The following TGFBR3 variants were observed in gnomAD, a reference collection of about 807,000 sequenced individuals.
The protein encoded by TGFBR3 is transforming growth factor beta receptor 3, also known as transforming growth factor beta receptor type 3.
In TGFBR3, 46 loss-of-function variants were observed where a neutral mutation model predicts 87.9. That is an observed-to-expected ratio of 0.52 (90% CI 0.41 to 0.67). TGFBR3 has a LOEUF of 0.67. Ranked by LOEUF, TGFBR3 falls within the 30% of genes least tolerant of loss-of-function variation. The pLI, the probability that TGFBR3 is intolerant of heterozygous loss-of-function variation, is 0.00. For synonymous variants in TGFBR3, 381 were observed against 391.6 expected (o/e 0.97, Z 0.32); for missense variants, 866 against 1,041.9 (o/e 0.83, Z 2.32).
intron 1 of TGFBR3, among the ~76,000 whole-genome samples, chr1:91,875,111 C>T (rs1678730508): frequency 6.6e-6 from 1 of 152,128 alleles, no homozygotes; most frequent in African/African-American, 2.4e-5. Context: ...AAACCAGGCC[C>T]ATGCTACACA....
At chr1:91,720,378 A>G (rs1315342469) in intron 8 of TGFBR3, 148 bp from the exon 9 acceptor site, 2 of 824,938 alleles carry the variant, frequency 2.4e-6, no homozygotes, top group Non-Finnish European at 4.0e-6. Flanking sequence ...TTAGAAGTCT[A>G]GAAGCCTGAA....
intron 4 of TGFBR3, among the ~76,000 whole-genome samples, chr1:91,737,372 T>C (rs931919616): frequency 2.0e-5 from 3 of 152,214 alleles, no homozygotes; most frequent in African/African-American, 7.2e-5. Context: ...TCAGATGTTA[T>C]TTCCATCTGA....
chr1:91,705,577 C>G (rs1438689054), intron 14 of TGFBR3, among the ~76,000 whole-genome samples: 1 of 152,138 alleles, frequency 6.6e-6, no homozygotes, highest in Non-Finnish European at 1.5e-5. Context: ...AGGCAGAAAG[C>G]ACAGACTCCA....
chr1:91,683,133 T>C lies in TGFBR3; in HGVS notation c.*606A>G, dbSNP rs1348925385. 2.2e-6 allele frequency: 1 copy of C among 454,520 alleles called. No individual in the cohort carries two copies. The highest frequency in any genetic ancestry group is 1.6e-5 in the South Asian group (1 of 64,478). The allele number at this position is 454,520 out of a possible 1,614,324, so 28.2% of individuals were successfully genotyped here. On this transcript the variant is annotated 3_prime_UTR_variant, in exon 17 of 17. Transcript: ENST00000212355. Reference sequence around the variant, plus strand: ...CAAGAAAGGAATGTTGCCTTAACACTTGTCAGGGTGCAGTCCCTGAGGGCA... The same window carrying C: ...CAAGAAAGGAATGTTGCCTTAACACCTGTCAGGGTGCAGTCCCTGAGGGCA...
At chr1:91,889,738 G>A (rs577268744), upstream of TGFBR3, among the ~76,000 whole-genome samples, 13 of 151,942 alleles carry the variant, frequency 8.6e-5, no homozygotes, top group South Asian at 2.1e-3. Flanking sequence ...GCAGCAGCGC[G>A]ATCTCAGCTC....
At chr1:91,884,303 A>G (rs1342113206) in intron 1 of TGFBR3, among the ~76,000 whole-genome samples, 1 of 150,462 alleles carries the variant, frequency 6.6e-6, no homozygotes, top group Non-Finnish European at 1.5e-5. Context: ...CTGGGGACAG[A>G]GCGAGACTCT....
At chr1:91,796,431 A>G (rs760563923) in intron 3 of TGFBR3, among the ~76,000 whole-genome samples, 1 of 152,230 alleles carries the variant, frequency 6.6e-6, no homozygotes, top group Non-Finnish European at 1.5e-5. Context: ...AACTATGAGC[A>G]TATATCTTTA....
At chr1:91,711,532 T>C (rs551938799) in intron 13 of TGFBR3, among the ~76,000 whole-genome samples, 2 of 152,210 alleles carry the variant, frequency 1.3e-5, no homozygotes, top group African/African-American at 4.8e-5. Flanking sequence ...CTGTGTGAGA[T>C]AGCCACAGAA....
intron 1 of TGFBR3, among the ~76,000 whole-genome samples, chr1:91,870,927 T>C (rs1159930831): frequency 1.3e-5 from 2 of 152,088 alleles, no homozygotes; most frequent in Non-Finnish European, 2.9e-5. Context: ...TCCTAGCTAC[T>C]TGGAAGGCTG....
At chr1:91,827,052 C>G (rs901915) in intron 2 of TGFBR3, among the ~76,000 whole-genome samples, 1 of 152,074 alleles carries the variant, frequency 6.6e-6, no homozygotes, top group African/African-American at 2.4e-5. Context: ...TTGATTCAAG[C>G]AAAGACCACA....
chr1:91,801,642 G>T lies in TGFBR3; in HGVS notation c.62-4171C>A, dbSNP rs551574715. ...AAGCAACTATTGCAAAATGCTAATT[G>T]TGGAATCTAAATGTTCCCTGTACAA... On this transcript the variant is annotated intron_variant, in intron 2 of 16. Coordinates refer to ENST00000212355, the MANE Select transcript of TGFBR3 (RefSeq NM_003243.5). Among the ~76,000 whole-genome samples, 193 of 152,282 alleles carry T rather than the reference G, an allele frequency of 1.3e-3. No homozygotes were observed. The Middle Eastern group carries it at 0.017, about 13-fold the overall frequency.
rs760195053 is a variant in TGFBR3 at position 91,727,778 on chromosome 1, T to C, written c.766A>G (p.Ile256Val). The C allele has an allele frequency of 4.6e-5, 74 of 1,613,902 alleles. 1 individual carries two copies. In the Middle Eastern group the frequency reaches 4.9e-4, roughly 11 times the overall value. The change falls in exon 7 of 17, where the codon ATA becomes GTA. Residue 256 changes from isoleucine (I) to valine (V), a missense_variant. Physicochemically the swap from Ile to Val is conservative, Grantham distance 29. Transcript: ENST00000212355. The stretch of plus-strand genomic sequence containing the variant: ...TCAAGATCCTCTTGAGAAGGTCTTA[T>C]ATCAATTGTTATATCCACCTGGAAA... ...SAFQVDITID[I>V]RPSQEDLEVV...
chr1:91,882,225 C>G (rs1447564280), intron 1 of TGFBR3, among the ~76,000 whole-genome samples: 1 of 150,268 alleles, frequency 6.7e-6, no homozygotes, highest in Non-Finnish European at 1.5e-5. Flanking sequence ...AAACCTCCAC[C>G]TCCTGGGCTC....
intron 2 of TGFBR3, among the ~76,000 whole-genome samples, chr1:91,898,364 CAAAT>C (rs71586721): frequency 0.33 from 49,573 of 151,852 alleles, 9,318 homozygotes; most frequent in Admixed American, 0.43. Context: ...AAAAACAAAA[CAAAT>C]AAATAAAAAC....
Position 91,818,277 on chromosome 1 carries a change from CCT to C in TGFBR3, c.62-20808_62-20807del. 4.9e-5 allele frequency among the ~76,000 whole-genome samples: 6 copies of C among 123,148 alleles called. 2 individuals carry two copies. Among genetic ancestry groups the C allele is most frequent in the South Asian group, 5.5e-4 (2 of 3,614 alleles). The allele number at this position is 123,148 out of a possible 152,430, so 80.8% of individuals were successfully genotyped here. On this transcript the variant is annotated intron_variant, in intron 2 of 16. Coordinates refer to ENST00000212355, the MANE Select transcript of TGFBR3 (RefSeq NM_003243.5). ...CTGCACCATTTCCCCTTAGCCCCAG[CCT>C]TTTTTTTTTTTTTTTTTTTTTTTTT...
chr1:91,861,879 T>C (rs1408706611), intron 1 of TGFBR3: 3 of 301,450 alleles, frequency 1.0e-5, no homozygotes, highest in African/African-American at 7.6e-5. Context: ...TTTTTTGAGA[T>C]AGAGTCTCTC....
intron 2 of TGFBR3, among the ~76,000 whole-genome samples, chr1:91,850,697 C>A (rs1677694380): frequency 6.7e-6 from 1 of 148,648 alleles, no homozygotes; most frequent in African/African-American, 2.5e-5. Context: ...AGGAAGATCT[C>A]TTGAGCCTGG....
At chr1:91,834,828 G>C (rs1676998695) in intron 2 of TGFBR3, among the ~76,000 whole-genome samples, 1 of 152,150 alleles carries the variant, frequency 6.6e-6, no homozygotes, top group Admixed American at 6.5e-5. Flanking sequence ...ACAGGCGCCT[G>C]CCACCACACC....
chr1:91,813,945 C>T (rs566150779), intron 2 of TGFBR3, among the ~76,000 whole-genome samples: 1 of 152,318 alleles, frequency 6.6e-6, no homozygotes, highest in South Asian at 2.1e-4. Flanking sequence ...GTTCACACTC[C>T]TATAAAAATC....
Sources: gnomAD v4.1 joint callset for allele counts (sites outside exome capture counted in the v4.1 genomes callset) on GRCh38, gnomAD v4.1.1 for gene constraint, MANE v1.5 for transcripts, NCBI Gene and HGNC (gene_info 2026-07-23, HGNC 2026-07-21) for gene names.